The following CABP1 variants were observed in gnomAD, a reference collection of about 807,000 sequenced individuals.
CABP1 encodes calcium binding protein 1.
In CABP1, 17 loss-of-function variants were observed where a neutral mutation model predicts 34.3. That is an observed-to-expected ratio of 0.50 (90% CI 0.34 to 0.74). The LOEUF (loss-of-function observed/expected upper bound fraction) is 0.74, where lower values mean the gene tolerates loss of function less well. CABP1 is among the 30% of genes least tolerant of loss of function. The pLI is 0.01. For synonymous variants in CABP1, 198 were observed against 229.2 expected (o/e 0.86, Z 1.23); for missense variants, 373 against 511.1 (o/e 0.73, Z 2.61).
downstream of CABP1, among the ~76,000 whole-genome samples, chr12:120,670,695 C>A (rs1028362941): frequency 1.1e-4 from 16 of 152,198 alleles, no homozygotes; most frequent in African/African-American, 3.6e-4. Context: ...TTGCAGTGAG[C>A]GGAGATTGCA....
In CABP1 at chr12:120,666,495, A is replaced by G. The variant is rs997619386; in HGVS notation, c.1088-380A>G. ...TCTCAAAAAAAAAAAAAAAAAAAAA[A>G]TGCTGAGAGGTGAGAGAGAGAGTGC... On this transcript the variant is annotated intron_variant, in intron 5 of 5. Transcript: ENST00000316803. 3.1e-4 allele frequency among the ~76,000 whole-genome samples: 41 copies of G among 134,278 alleles called. 1 individual carries two copies. Among genetic ancestry groups the G allele is most frequent in the Non-Finnish European group, 3.3e-4 (21 of 62,960 alleles). 88.1% of individuals were successfully genotyped at this position (134,278 alleles called of 152,430 possible).
At position 120,661,956 on chromosome 12, in the gene CABP1, A is replaced by C. The variant is rs1488700172; in HGVS notation, c.1087+738A>C. 1 of 152,308 alleles carries C rather than the reference A, an allele frequency of 6.6e-6. No individual in the cohort carries two copies. Among genetic ancestry groups the C allele is most frequent in the Non-Finnish European group, 1.5e-5 (1 of 68,134 alleles). 9.4% of individuals were successfully genotyped at this position (152,308 alleles called of 1,614,324 possible). On this transcript the variant is annotated intron_variant, in intron 5 of 5. Transcript: ENST00000316803. This position sits in a 1 kb window ranked among gnomAD's most constrained non-coding sequence, Gnocchi z 5.1. ...TTCATCTACTCATATAGATCTCTCT[A>C]TGTGTTCACACTTCTATACTTCCAT...
chr12:120,673,842 C>A, the CABP1 span, among the ~76,000 whole-genome samples: 5 of 152,162 alleles, frequency 3.3e-5, no homozygotes, highest in African/African-American at 1.2e-4. Flanking sequence ...ACAAATTATT[C>A]TATGTGAAGC....
At chr12:120,662,665 G>A (rs1295109579) in intron 5 of CABP1, among the ~76,000 whole-genome samples, 1 of 141,144 alleles carries the variant, frequency 7.1e-6, no homozygotes, top group East Asian at 2.2e-4. Flanking sequence ...CTGGCCACCA[G>A]GAGGGCTTTT....
chr12:120,680,319 C>G, the CABP1 span, among the ~76,000 whole-genome samples: 1 of 152,088 alleles, frequency 6.6e-6, no homozygotes, highest in Non-Finnish European at 1.5e-5. Context: ...AGAAAGGAGA[C>G]TCAGCAAGAA....
At position 120,660,273 on chromosome 12, in the gene CABP1, C is replaced by T. The variant is rs1880543019; in HGVS notation, c.763C>T (p.Arg255Cys). 3.7e-6 allele frequency: 6 copies of T among 1,610,456 alleles called. No homozygotes were observed. The highest frequency in any genetic ancestry group is 2.2e-5 in the East Asian group (1 of 44,762). Residue 255 changes from arginine to cysteine, a missense_variant, in exon 3 of 6, where the codon CGC becomes TGC. By Grantham distance (180) the Arg-to-Cys change is radical. Transcript: ENST00000316803. The surrounding 1 kb of genome is among the most constrained non-coding windows in gnomAD (Gnocchi z 5.0). Reference protein sequence around the residue: ...INCRDLGNCMRTMGYMPTEME... With the variant: ...INCRDLGNCMCTMGYMPTEME... The stretch of plus-strand genomic sequence containing the variant: ...CTGCCGGGATCTGGGCAACTGCATG[C>T]GCACCATGGGCTACATGCCCACCGA...
At chr12:120,652,830 G>A (rs535863470) in intron 1 of CABP1, among the ~76,000 whole-genome samples, 2 of 152,262 alleles carry the variant, frequency 1.3e-5, no homozygotes, top group South Asian at 2.1e-4. Flanking sequence ...TGCCCCTCCT[G>A]TTGCCATGCC....
chr12:120,668,617 AT>A (rs1881131708), downstream of CABP1, among the ~76,000 whole-genome samples: 1 of 152,200 alleles, frequency 6.6e-6, no homozygotes, highest in South Asian at 2.1e-4. Flanking sequence ...ATGATAAAGG[AT>A]GGGGTCAGTG....
At chr12:120,650,549 T>A in intron 1 of CABP1, 1 of 1,607,332 alleles carries the variant, frequency 6.2e-7, no homozygotes, top group Non-Finnish European at 8.5e-7. Flanking sequence ...GAGGCTGGGG[T>A]TGGCAGAGAC....
chr12:120,659,331 T>TC (rs1880470142), intron 1 of CABP1: 1 of 153,442 alleles, frequency 6.5e-6, no homozygotes, highest in Non-Finnish European at 1.4e-5. Flanking sequence ...CTGCCTTCCC[T>TC]CCCCTCCTGC....
rs539792981 is a variant in CABP1, at chr12:120,657,751, C to A, written c.655-2127C>A. Among the ~76,000 whole-genome samples the A allele has an allele frequency of 7.2e-5, 11 of 152,296 alleles. No individual in the cohort carries two copies. In the South Asian group the frequency reaches 2.3e-3, roughly 32 times the overall value. ...CGTGAAGGGGCACCTGGCTTTGCTGCCCCCGGGGCTTTGGGTGTACAGGAG... is the reference window on the plus strand; with the variant it reads ...CGTGAAGGGGCACCTGGCTTTGCTGACCCCGGGGCTTTGGGTGTACAGGAG... On this transcript the variant is annotated intron_variant, in intron 1 of 5. Coordinates refer to ENST00000316803, the MANE Select transcript of CABP1 (RefSeq NM_001033677.2).
chr12:120,642,449 G>C (rs114268356), intron 1 of CABP1, among the ~76,000 whole-genome samples: 5,703 of 152,308 alleles, frequency 0.037, 150 homozygotes, highest in South Asian at 0.11. Context: ...CTCGGCAGTG[G>C]CTGATGCTGG....
intron 1 of CABP1, among the ~76,000 whole-genome samples, chr12:120,644,805 GGTTT>G (rs1354903763): frequency 6.6e-6 from 1 of 152,070 alleles, no homozygotes; most frequent in East Asian, 1.9e-4. Flanking sequence ...TAGCTCCTGT[GGTTT>G]GTTTGTTTAT....
Position 120,661,247 on chromosome 12 carries a change from G to A in CABP1, c.1087+29G>A. ...GGTGGGGCTTGAAAGTGGGAGAGAA[G>A]CAAGCCAGCAGTGGCCATCCATGGA... On this transcript the variant is annotated intron_variant, in intron 5 of 5. Transcript: ENST00000316803. The surrounding 1 kb of genome is among the most constrained non-coding windows in gnomAD (Gnocchi z 5.1). The A allele has an allele frequency of 1.9e-6, 3 of 1,595,766 alleles. No homozygotes were observed. The highest frequency in any genetic ancestry group is 3.4e-4 in the Middle Eastern group (2 of 5,832).
At chr12:120,678,297 A>G in the CABP1 span, among the ~76,000 whole-genome samples, 1 of 152,210 alleles carries the variant, frequency 6.6e-6, no homozygotes, top group African/African-American at 2.4e-5. Flanking sequence ...AGGAAGACAC[A>G]ACCCTTTTCA....
At chr12:120,670,802 T>TG (rs1881227525), downstream of CABP1, among the ~76,000 whole-genome samples, 1 of 152,166 alleles carries the variant, frequency 6.6e-6, no homozygotes, top group Admixed American at 6.6e-5. Context: ...CACCTGGATT[T>TG]GCCTCCTGCT....
Position 120,667,316 on chromosome 12 carries a change from C to T in CABP1, c.*416C>T. The T allele has an allele frequency of 4.1e-6, 1 of 245,854 alleles. No homozygotes were observed. The highest frequency in any genetic ancestry group is 2.3e-5 in the African/African-American group (1 of 44,112). The allele number at this position is 245,854 out of a possible 1,614,324, so 15.2% of individuals were successfully genotyped here. ...ATCTCAGAACCAATAAAAATATTTC[C>T]AAGAGCAAGACAGCCGTGATGGTCT... On this transcript the variant is annotated 3_prime_UTR_variant, in exon 6 of 6. Transcript: ENST00000316803.
At chr12:120,671,403 T>C (rs982386850), downstream of CABP1, among the ~76,000 whole-genome samples, 1 of 152,134 alleles carries the variant, frequency 6.6e-6, no homozygotes, top group Non-Finnish European at 1.5e-5. Flanking sequence ...GCAACCACTA[T>C]TTCTGGTCTG....
Position 120,660,051 on chromosome 12 carries a change from G to T in CABP1, c.685+143G>T. On this transcript the variant is annotated intron_variant, in intron 2 of 5. Transcript: ENST00000316803. This position sits in a 1 kb window ranked among gnomAD's most constrained non-coding sequence, Gnocchi z 5.0. Reference sequence around the variant, plus strand: ...CTGTGAAACCAGCTGCTGAAGGTGTGCACAGGAGGCAAGAGAAATGCCCCA... The same window carrying T: ...CTGTGAAACCAGCTGCTGAAGGTGTTCACAGGAGGCAAGAGAAATGCCCCA... The T allele has an allele frequency of 7.8e-7, 1 of 1,288,096 alleles. No individual in the cohort carries two copies. The highest frequency in any genetic ancestry group is 1.1e-6 in the Non-Finnish European group (1 of 913,246). 79.8% of individuals were successfully genotyped at this position (1,288,096 alleles called of 1,614,324 possible). A position where few individuals can be genotyped will look rare whatever the true frequency, so the allele number is the denominator to read the frequency against.
Sources: allele counts gnomAD v4.1 joint callset (sites outside exome capture counted in the v4.1 genomes callset), GRCh38; gene constraint gnomAD v4.1.1; non-coding constraint Gnocchi (gnomAD v3.1); transcripts MANE v1.5; gene names NCBI Gene and HGNC (gene_info 2026-07-23, HGNC 2026-07-21).